The following ABCC2 variants were observed in gnomAD, a reference collection of about 807,000 sequenced individuals.
ABCC2 encodes ATP binding cassette subfamily C member 2, also known as ATP-binding cassette sub-family C member 2.
In ABCC2, 157 loss-of-function variants were observed where a neutral mutation model predicts 173.4. The observed-to-expected ratio is 0.91, with a 90% CI of 0.80 to 1.03. ABCC2 has a LOEUF of 1.03. ABCC2 is among the 50% of genes least tolerant of loss of function. The pLI, the probability that ABCC2 is intolerant of heterozygous loss-of-function variation, is 0.00. For synonymous variants in ABCC2, 657 were observed against 693.5 expected (o/e 0.95, Z 0.83); for missense variants, 1,822 against 1,852.3 (o/e 0.98, Z 0.30).
chr10:99,789,907 A>G (rs562271646), intron 2 of ABCC2, among the ~76,000 whole-genome samples: 2 of 152,302 alleles, frequency 1.3e-5, no homozygotes, highest in Admixed American at 1.3e-4. Flanking sequence ...CCTCCACATT[A>G]CTGGGAGACA....
chr10:99,842,000 C>G lies in ABCC2; in HGVS notation c.3648C>G (p.Asn1216Lys), dbSNP rs144967259. Residue 1216 changes from asparagine to lysine, a missense_variant, in exon 26 of 32, where the codon AAC becomes AAG. Coordinates refer to ENST00000647814, the MANE Select transcript of ABCC2 (RefSeq NM_000392.5). The part of the protein sequence containing the change: ...WLAIRLELVG[N>K]LTVFFSALMM... ...CAATTCGCCTGGAGCTGGTTGGGAACCTGACTGTCTTCTTTTCAGCCTTGA... is the reference window on the plus strand; with the variant it reads ...CAATTCGCCTGGAGCTGGTTGGGAAGCTGACTGTCTTCTTTTCAGCCTTGA... The G allele has an allele frequency of 1.2e-6, 2 of 1,614,180 alleles. No individual in the cohort carries two copies. The highest frequency in any genetic ancestry group is 2.2e-5 in the East Asian group (1 of 44,880).
At chr10:99,814,725 ATGTG>A (rs761851347) in intron 16 of ABCC2, among the ~76,000 whole-genome samples, 4 of 144,370 alleles carry the variant, frequency 2.8e-5, no homozygotes, top group South Asian at 2.1e-4. Context: ...ATATACACAT[ATGTG>A]TGTGTATGTG....
intron 16 of ABCC2, 69 bp downstream of exon 16, chr10:99,813,213 T>G: frequency 7.6e-6 from 12 of 1,576,664 alleles, no homozygotes; most frequent in Non-Finnish European, 1.0e-5. Flanking sequence ...TTTGCCTCAC[T>G]GGGGAGAAGG....
intron 17 of ABCC2, among the ~76,000 whole-genome samples, chr10:99,817,891 T>C (rs900773732): frequency 6.6e-6 from 1 of 152,156 alleles, no homozygotes; most frequent in Non-Finnish European, 1.5e-5. Flanking sequence ...ATGTTTATTG[T>C]GAATTATCTT....
Position 99,834,560 on chromosome 10 carries a change from T to C in ABCC2, c.3414+25T>C, listed in dbSNP as rs3740069. On this transcript the variant is annotated intron_variant, in intron 24 of 31. Transcript: ENST00000647814. ...GGTAGGTTTGGAAATGGCTAAGTCA[T>C]CCTTCCTTCCTCTCTATCTATAAAA... is the stretch of plus-strand genomic sequence containing the variant. The C allele has an allele frequency of 4.9e-4, 787 of 1,609,862 alleles. 7 individuals carry two copies. The East Asian group carries it at 0.017, about 34-fold the overall frequency.
rs1323472386 is a variant in ABCC2 at position 99,852,193 on chromosome 10, A to C, written c.*562A>C. ...AAAATTATAAGCAGTACTACTATGGACATTCTGGTCTACATCTCCTGGCAC... is the reference window on the plus strand; with the variant it reads ...AAAATTATAAGCAGTACTACTATGGCCATTCTGGTCTACATCTCCTGGCAC... On this transcript the variant is annotated 3_prime_UTR_variant, in exon 32 of 32. Coordinates refer to ENST00000647814, the MANE Select transcript of ABCC2 (RefSeq NM_000392.5). 6.5e-6 allele frequency: 1 copy of C among 154,566 alleles called. No homozygotes were observed. The highest frequency in any genetic ancestry group is 2.4e-5 in the African/African-American group (1 of 41,454). The allele number at this position is 154,566 out of a possible 1,614,324, so 9.6% of individuals were successfully genotyped here.
In ABCC2 at chr10:99,817,468, C is replaced by T. The variant is rs775949172; in HGVS notation, c.2255C>T (p.Ala752Val). Residue 752 changes from alanine (A) to valine (V), a missense_variant, in exon 17 of 32, where the codon GCT (alanine) becomes GTT (valine). Ala to Val is a moderately conservative substitution (Grantham distance 64, BLOSUM62 0). Coordinates refer to ENST00000647814, the MANE Select transcript of ABCC2 (RefSeq NM_000392.5). ...DLEMLPGGDL[A>V]EIGEKGINLS... ...GAAATGCTGCCTGGAGGAGATTTGG[C>T]TGAGATTGGAGAGAAGGTACTTGGG... 3.1e-6 allele frequency: 5 copies of T among 1,613,928 alleles called. No homozygotes were observed. In the African/African-American group the frequency reaches 6.7e-5, roughly 22 times the overall value.
intron 3 of ABCC2, 39 bp downstream of exon 3, chr10:99,792,398 T>G: frequency 6.2e-7 from 1 of 1,610,562 alleles, no homozygotes; most frequent in Non-Finnish European, 8.5e-7. Context: ...TACCTTTTCA[T>G]TACCCATAGG....
At chr10:99,839,083 G>A (rs2038882925) in intron 25 of ABCC2, among the ~76,000 whole-genome samples, 3 of 143,576 alleles carry the variant, frequency 2.1e-5, no homozygotes, top group Non-Finnish European at 3.1e-5. Flanking sequence ...GCCGGGCAGG[G>A]GGGCAGACCC....
In ABCC2 at chr10:99,810,204, A is replaced by C. The variant is rs1183098222; in HGVS notation, c.1886A>C (p.His629Pro). The C allele has an allele frequency of 1.2e-6, 2 of 1,613,298 alleles. No individual in the cohort carries two copies. The highest frequency in any genetic ancestry group is 1.7e-6 in the Non-Finnish European group (2 of 1,179,414). Residue 629 changes from histidine (H) to proline (P), a missense_variant, in exon 14 of 32, where the codon CAT becomes CCT. By Grantham distance (77) the His-to-Pro change is moderately conservative (BLOSUM62 -2). Coordinates refer to ENST00000647814, the MANE Select transcript of ABCC2 (RefSeq NM_000392.5). ...GACTTGGACACATCTGCCATTCGAC[A>C]TGACTGCAATTTTGGTAAATAAATT... ...GDDLDTSAIR[H>P]DCNFDKAMQF...
chr10:99,820,162 C>T (rs571773443), intron 19 of ABCC2, among the ~76,000 whole-genome samples: 281 of 152,016 alleles, frequency 1.8e-3, no homozygotes, highest in African/African-American at 6.3e-3. Flanking sequence ...GAGGCTGAGG[C>T]GGGTGGATCA....
chr10:99,785,461 CAT>C, intron 2 of ABCC2, among the ~76,000 whole-genome samples: 1 of 152,268 alleles, frequency 6.6e-6, no homozygotes, highest in East Asian at 1.9e-4. Flanking sequence ...AAAATTATCT[CAT>C]AAAATCTTCC....
intron 13 of ABCC2, 84 bp from the exon 14 acceptor site, chr10:99,810,050 C>A: frequency 7.7e-7 from 1 of 1,297,592 alleles, no homozygotes; most frequent in Non-Finnish European, 1.1e-6. Flanking sequence ...AATAGAAAAT[C>A]ATGGACTAAC....
At chr10:99,841,033 A>G (rs2038934892) in intron 25 of ABCC2, among the ~76,000 whole-genome samples, 1 of 152,164 alleles carries the variant, frequency 6.6e-6, no homozygotes, top group Non-Finnish European at 1.5e-5. Context: ...GTCTATACAC[A>G]TGTATTCTTC....
rs1216480403 is a variant in ABCC2, at chr10:99,817,423, G to A, written c.2210G>A (p.Cys737Tyr). The change falls in exon 17 of 32, where the codon TGT becomes TAT. Residue 737 changes from cysteine to tyrosine, a missense_variant. Coordinates refer to ENST00000647814, the MANE Select transcript of ABCC2 (RefSeq NM_000392.5). Reference protein sequence around the residue: ...EKRYQQVLEACALLPDLEMLP... With the variant: ...EKRYQQVLEAYALLPDLEMLP... ...AGGTACCAGCAAGTACTGGAGGCCT[G>A]TGCTCTCCTCCCAGACTTGGAAATG... is the stretch of plus-strand genomic sequence containing the variant. The A allele has an allele frequency of 9.3e-6, 15 of 1,614,076 alleles. No individual in the cohort carries two copies. The highest frequency in any genetic ancestry group is 9.3e-6 in the Non-Finnish European group (11 of 1,180,040).
intron 16 of ABCC2, among the ~76,000 whole-genome samples, chr10:99,814,743 A>ATGTATGTATATACACACACATATATG (rs2038365592): frequency 7.1e-6 from 1 of 140,196 alleles, no homozygotes; most frequent in African/African-American, 2.6e-5. Flanking sequence ...GTATGTGTAT[A>ATGTATGTATATACACACACATATATG]TGTATGTATA....
chr10:99,814,458 C>CACACACACATATGTGTGCATATATGTGT (rs2038325794), intron 16 of ABCC2, among the ~76,000 whole-genome samples: 2 of 59,458 alleles, frequency 3.4e-5, no homozygotes, highest in Non-Finnish European at 6.0e-5. Context: ...TGTGTATATA[C>CACACACACATATGTGTGCATATATGTGT]ATACACACAT....
chr10:99,789,775 A>AG (rs11412116), intron 2 of ABCC2, among the ~76,000 whole-genome samples: 86,658 of 150,000 alleles, frequency 0.58, 25,362 homozygotes, highest in East Asian at 0.77. Flanking sequence ...GGAAAATTAA[A>AG]GAGCTGGACT....
Position 99,790,387 on chromosome 10 carries a change from G to C in ABCC2, c.208-1847G>C, listed in dbSNP as rs117190276. On this transcript the variant is annotated intron_variant, in intron 2 of 31. Coordinates refer to ENST00000647814, the MANE Select transcript of ABCC2 (RefSeq NM_000392.5). The stretch of plus-strand genomic sequence containing the variant: ...ATTTATATACTCATTTTTTTACATT[G>C]AGTTATTAGGGTATTTTTAAAAATT... Among the ~76,000 whole-genome samples, 822 of 151,862 alleles carry C rather than the reference G, an allele frequency of 5.4e-3. 5 individuals carry two copies. The highest frequency in any genetic ancestry group is 9.8e-3 in the Non-Finnish European group (667 of 67,956).
Sources: allele counts gnomAD v4.1 joint callset (sites outside exome capture counted in the v4.1 genomes callset), GRCh38; gene constraint gnomAD v4.1.1; transcripts MANE v1.5; gene names NCBI Gene and HGNC (gene_info 2026-07-23, HGNC 2026-07-21).